GIMAP6: variants seen among roughly 807,000 people sequenced by gnomAD.
The protein encoded by GIMAP6 is GTPase IMAP family member 6.
In GIMAP6, 6 loss-of-function variants were observed where a neutral mutation model predicts 9.3. The ratio of observed to expected loss-of-function variants is 0.65; its 90% CI spans 0.35 to 1.27. The LOEUF is 1.27. Among genes scored for constraint, GIMAP6 ranks in the 50% most tolerant of loss-of-function variants. The pLI is 0.03. For synonymous variants in GIMAP6, 156 were observed against 151.1 expected, an observed-to-expected ratio of 1.03 and a Z score of -0.24; for missense variants, 333 against 359.5, an observed-to-expected ratio of 0.93 and a Z score of 0.60.
intron 1 of GIMAP6, 118 bp from the exon 2 acceptor site, chr7:150,630,260 G>A: frequency 1.5e-6 from 1 of 684,232 alleles, no homozygotes; most frequent in East Asian, 2.9e-5. Context: ...CATTAGTTTA[G>A]GGTTGGGGTG....
chr7:150,630,215 C>T (rs1346347859), intron 1 of GIMAP6, 73 bp from the exon 2 acceptor site: 13 of 1,230,714 alleles, frequency 1.1e-5, no homozygotes, highest in African/African-American at 1.6e-5. Flanking sequence ...AGCCACCTGC[C>T]TTTCGCCTTT....
intron 2 of GIMAP6, 64 bp downstream of exon 2, chr7:150,629,993 TG>T: frequency 2.9e-6 from 3 of 1,046,964 alleles, no homozygotes; most frequent in Non-Finnish European, 4.3e-6. Context: ...ACTATGGTGG[TG>T]GAGCTGTGTC....
chr7:150,628,325 A>G lies in GIMAP6; in HGVS notation c.273T>C (p.Leu91=). 1.2e-6 allele frequency: 2 copies of G among 1,614,080 alleles called. No individual in the cohort carries two copies. The highest frequency in any genetic ancestry group is 1.7e-6 in the Non-Finnish European group (2 of 1,179,990). Residue 91 remains leucine, a synonymous_variant, in exon 3 of 3, where the codon CTT becomes CTC. Transcript: ENST00000328902. ...RRSREWAGKE[L]EVIDTPNILS... ...GAATGTTGGGTGTGTCAATCACCTCAAGCTCCTTCCCAGCCCACTCTCGGC... is the reference window on the plus strand; with the variant it reads ...GAATGTTGGGTGTGTCAATCACCTCGAGCTCCTTCCCAGCCCACTCTCGGC...
In GIMAP6 at chr7:150,628,509, A is replaced by T; in HGVS notation, c.89T>A (p.Leu30Gln). The T allele has an allele frequency of 2.5e-6, 4 of 1,613,206 alleles. No individual in the cohort carries two copies. Among genetic ancestry groups the T allele is most frequent in the Non-Finnish European group, 3.4e-6 (4 of 1,180,010 alleles). The change falls in exon 3 of 3, where the codon CTA (leucine) becomes CAA (glutamine). Residue 30 changes from leucine (L) to glutamine (Q), a missense_variant. Physicochemically the swap from Leu to Gln is moderately radical, Grantham distance 113. Coordinates refer to ENST00000328902, the MANE Select transcript of GIMAP6 (RefSeq NM_024711.6). The part of the protein sequence containing the change: ...QDPVLELSGG[L>Q]REKEQKTPRR... ...TGGGGTCTTCTGTTCTTTCTCCCTT[A>T]GACCTAGAAATATCCAAAGAAAGCA...
At chr7:150,628,677 C>T (rs778868355) in intron 2 of GIMAP6, 165 bp from the exon 3 acceptor site, 2 of 1,563,208 alleles carry the variant, frequency 1.3e-6, no homozygotes, top group South Asian at 1.1e-5. Flanking sequence ...GGGCCCACAT[C>T]CTTGAAGGTG....
chr7:150,625,816 A>G lies in GIMAP6; in HGVS notation c.*1903T>C, dbSNP rs954157891. On this transcript the variant is annotated 3_prime_UTR_variant, in exon 3 of 3. Coordinates refer to ENST00000328902, the MANE Select transcript of GIMAP6 (RefSeq NM_024711.6). The stretch of plus-strand genomic sequence containing the variant: ...GACTGAGGCAAAAATTGGCTCCCAC[A>G]TTATAGTCAAAGCCACTGTAATCAA... The G allele has an allele frequency of 6.6e-6, 1 of 152,220 alleles. No homozygotes were observed. Among genetic ancestry groups the G allele is most frequent in the Non-Finnish European group, 1.5e-5 (1 of 68,030 alleles). 9.4% of individuals were successfully genotyped at this position (152,220 alleles called of 1,614,324 possible).
Position 150,630,146 on chromosome 7 carries a change from CAAAAAAA to C in GIMAP6, c.1-11_1-5del, listed in dbSNP as rs58764098. ...GTTCATATTCTTCTTCCTCCATCTA[CAAAAAAA>C]AAAAAAAAAAAAAAATCATATGTTC... is the stretch of plus-strand genomic sequence containing the variant. On this transcript the variant is annotated splice_polypyrimidine_tract_variant and splice_region_variant and intron_variant, in intron 1 of 2. Transcript: ENST00000328902. 729 of 935,494 alleles carry C rather than the reference CAAAAAAA, an allele frequency of 7.8e-4. No homozygotes were observed. The highest frequency in any genetic ancestry group is 6.1e-3 in the South Asian group (253 of 41,210). 57.9% of individuals were successfully genotyped at this position (935,494 alleles called of 1,614,324 possible).
At chr7:150,630,634 G>T (rs1004170945) in intron 1 of GIMAP6, among the ~76,000 whole-genome samples, 2 of 152,190 alleles carry the variant, frequency 1.3e-5, no homozygotes, top group Admixed American at 6.5e-5. Flanking sequence ...GGGGCCACTT[G>T]GTGGGCCTTG....
At chr7:150,629,400 AGGT>A (rs1796354618) in intron 2 of GIMAP6, among the ~76,000 whole-genome samples, 1 of 152,210 alleles carries the variant, frequency 6.6e-6, no homozygotes, top group Non-Finnish European at 1.5e-5. Flanking sequence ...ATAAAGTAAA[AGGT>A]CATTCATATT....
In GIMAP6 at chr7:150,627,983, C is replaced by G; in HGVS notation, c.615G>C (p.Gly205=). The change falls in exon 3 of 3, where the codon GGG becomes GGC. Residue 205 remains glycine, a synonymous_variant. Coordinates refer to ENST00000328902, the MANE Select transcript of GIMAP6 (RefSeq NM_024711.6). ...RHCGFNNRAQ[G]EEQEAQLREL... is the part of the protein sequence containing the mutation. The stretch of plus-strand genomic sequence containing the variant: ...CTCGCAGTTGGGCCTCCTGCTCCTC[C>G]CCCTGTGCCCTGTTGTTGAAGCCGC... 6.2e-7 allele frequency: 1 copy of G among 1,614,252 alleles called. No homozygotes were observed. The highest frequency in any genetic ancestry group is 2.2e-5 in the East Asian group (1 of 44,886).
rs546929532 is a variant in GIMAP6, at chr7:150,627,393, G to T, written c.*326C>A. On this transcript the variant is annotated 3_prime_UTR_variant, in exon 3 of 3. Transcript: ENST00000328902. ...ACACAGAAGTAAAAGATACAGGCCTGCCCTCAAGAAACTTTGGTTCTATCA... is the reference window on the plus strand; with the variant it reads ...ACACAGAAGTAAAAGATACAGGCCTTCCCTCAAGAAACTTTGGTTCTATCA... The T allele has an allele frequency of 2.6e-4, 103 of 397,328 alleles. No individual in the cohort carries two copies. The highest frequency in any genetic ancestry group is 4.1e-4 in the Non-Finnish European group (87 of 214,276). 24.6% of individuals were successfully genotyped at this position (397,328 alleles called of 1,614,324 possible). A position where few individuals can be genotyped will look rare whatever the true frequency, so the allele number is the denominator to read the frequency against.
intron 2 of GIMAP6, 162 bp from the exon 3 acceptor site, chr7:150,628,674 C>T (rs1796343267): frequency 1.3e-6 from 2 of 1,566,232 alleles, no homozygotes; most frequent in African/African-American, 1.4e-5. Context: ...TCTGGGCCCA[C>T]ATCCTTGAAG....
In GIMAP6 at chr7:150,627,670, A is replaced by G; in HGVS notation, c.*49T>C. 4 of 1,608,496 alleles carry G rather than the reference A, an allele frequency of 2.5e-6. No individual in the cohort carries two copies. Among genetic ancestry groups the G allele is most frequent in the Middle Eastern group, 1.7e-4 (1 of 6,046 alleles). ...GAAAGAGAAACAGAGGGCTGGACAC[A>G]GGGGGGTGCAAAGGCTGATGGTGTC... On this transcript the variant is annotated 3_prime_UTR_variant, in exon 3 of 3. Coordinates refer to ENST00000328902, the MANE Select transcript of GIMAP6 (RefSeq NM_024711.6).
intron 1 of GIMAP6, 109 bp from the exon 2 acceptor site, chr7:150,630,251 A>G (rs1013391528): frequency 6.4e-5 from 52 of 810,928 alleles, no homozygotes; most frequent in Middle Eastern, 7.3e-4. Context: ...AGTTTTTTGC[A>G]TTAGTTTAGG....
chr7:150,630,089 C>G lies in GIMAP6; in HGVS notation c.54G>C (p.Leu18=). 1 of 1,579,788 alleles carries G rather than the reference C, an allele frequency of 6.3e-7. No homozygotes were observed. The highest frequency in any genetic ancestry group is 1.9e-5 in the Admixed American group (1 of 53,450). The part of the protein sequence containing the change: ...QIPQENPPEE[L]SQDPVLELSG... ...ACAGCTCCAGCACAGGATCCTGGGA[C>G]AGCTCTTCTGGGGGATTCTCCTGGG... The change falls in exon 2 of 3, where the codon CTG becomes CTC. Residue 18 remains leucine (L), a synonymous_variant. Transcript: ENST00000328902.
At chr7:150,629,967 C>A in intron 2 of GIMAP6, 91 bp downstream of exon 2, 1 of 874,934 alleles carries the variant, frequency 1.1e-6, no homozygotes. Context: ...GGGACGTCAG[C>A]TTCCTCTCCA....
Position 150,626,129 on chromosome 7 carries a change from G to A in GIMAP6, c.*1590C>T, listed in dbSNP as rs755752040. The A allele has an allele frequency of 4.6e-5, 7 of 152,260 alleles. No individual in the cohort carries two copies. The highest frequency in any genetic ancestry group is 8.8e-5 in the Non-Finnish European group (6 of 68,068). The allele number at this position is 152,260 out of a possible 1,614,324, so 9.4% of individuals were successfully genotyped here. A position where few individuals can be genotyped will look rare whatever the true frequency, so the allele number is the denominator to read the frequency against. On this transcript the variant is annotated 3_prime_UTR_variant, in exon 3 of 3. Transcript: ENST00000328902. Reference sequence around the variant, plus strand: ...TCTGCTGTGTCTAGGGAAGATGGGGGATGGCTTCAGAGCAAGAGGCCACAG... The same window carrying A: ...TCTGCTGTGTCTAGGGAAGATGGGGAATGGCTTCAGAGCAAGAGGCCACAG...
Position 150,630,041 on chromosome 7 carries a change from C to T in GIMAP6, c.85+17G>A. 1 of 1,548,846 alleles carries T rather than the reference C, an allele frequency of 6.5e-7. No individual in the cohort carries two copies. The highest frequency in any genetic ancestry group is 8.9e-7 in the Non-Finnish European group (1 of 1,128,794). ...CCAAATGTTTCCCACTTGCTCCCCT[C>T]TCCTCATTCATTTTACCTCCTGACA... On this transcript the variant is annotated intron_variant, in intron 2 of 2. Coordinates refer to ENST00000328902, the MANE Select transcript of GIMAP6 (RefSeq NM_024711.6).
Position 150,630,093 on chromosome 7 carries a change from T to C in GIMAP6, c.50A>G (p.Glu17Gly), listed in dbSNP as rs1457930189. ...EQIPQENPPE[E>G]LSQDPVLELS... ...CTCCAGCACAGGATCCTGGGACAGCTCTTCTGGGGGATTCTCCTGGGGAAT... is the reference window on the plus strand; with the variant it reads ...CTCCAGCACAGGATCCTGGGACAGCCCTTCTGGGGGATTCTCCTGGGGAAT... The change falls in exon 2 of 3, where the codon GAG becomes GGG. Residue 17 changes from glutamate to glycine, a missense_variant. By Grantham distance (98) the Glu-to-Gly change is moderately conservative. Coordinates refer to ENST00000328902, the MANE Select transcript of GIMAP6 (RefSeq NM_024711.6). The C allele has an allele frequency of 6.3e-7, 1 of 1,582,244 alleles. No homozygotes were observed. Among genetic ancestry groups the C allele is most frequent in the Non-Finnish European group, 8.5e-7 (1 of 1,169,776 alleles).
Sources: gnomAD v4.1 joint callset for allele counts (sites outside exome capture counted in the v4.1 genomes callset) on GRCh38, gnomAD v4.1.1 for gene constraint, MANE v1.5 for transcripts, NCBI Gene and HGNC (gene_info 2026-07-23, HGNC 2026-07-21) for gene names.